Variants in FMNL3 observed in about 807,000 individuals in gnomAD.
FMNL3 encodes the protein formin like 3.
FMNL3 carries 57 observed loss-of-function variants against 119.6 expected under a neutral mutation model. The observed-to-expected ratio is 0.48, with a 90% CI of 0.39 to 0.59. The LOEUF is 0.59. Ranked by LOEUF, FMNL3 falls within the 20% of genes least tolerant of loss-of-function variation. The pLI is 0.00. For missense variants in FMNL3, 1,053 were observed against 1,323.5 expected, an observed-to-expected ratio of 0.80 and a Z score of 3.17; for synonymous variants, 491 against 507.3, an observed-to-expected ratio of 0.97 and a Z score of 0.43.
intron 15 of FMNL3, 31 bp from the exon 16 acceptor site, chr12:49,651,323 G>C: frequency 6.2e-7 from 1 of 1,606,536 alleles, no homozygotes; most frequent in Non-Finnish European, 8.5e-7. Context: ...GTGACACAGG[G>C]GCCAAGGACA....
At chr12:49,673,939 G>A (rs1398996806) in intron 1 of FMNL3, among the ~76,000 whole-genome samples, 1 of 152,232 alleles carries the variant, frequency 6.6e-6, no homozygotes, top group East Asian at 1.9e-4. Context: ...AGGTCCAAGA[G>A]CTAAAATTTT....
In FMNL3 at chr12:49,643,474, T is replaced by A; in HGVS notation, c.*2341A>T. 1 of 1,495,790 alleles carries A rather than the reference T, an allele frequency of 6.7e-7. No homozygotes were observed. The highest frequency in any genetic ancestry group is 9.0e-7 in the Non-Finnish European group (1 of 1,115,272). 92.7% of individuals were successfully genotyped at this position (1,495,790 alleles called of 1,614,324 possible). On this transcript the variant is annotated 3_prime_UTR_variant, in exon 26 of 26. Coordinates refer to ENST00000335154, the MANE Select transcript of FMNL3 (RefSeq NM_175736.5). ...GAGGATGCCCTCCACAAGCCCCAGC[T>A]CCTTTGAGGGTAGACTGGATTGGGA...
In FMNL3 at chr12:49,661,858, T is replaced by G. The variant is rs886372422; in HGVS notation, c.452+108A>C. 2.8e-6 allele frequency: 3 copies of G among 1,071,028 alleles called. No individual in the cohort carries two copies. In the African/African-American group the frequency reaches 4.7e-5, roughly 17 times the overall value. 66.3% of individuals were successfully genotyped at this position (1,071,028 alleles called of 1,614,324 possible). ...TGGGCTACTCCTTCCTGTCCAGGAT[T>G]CCCATTTCCATCTTCATTGTTGAAC... is the stretch of plus-strand genomic sequence containing the variant. On this transcript the variant is annotated intron_variant, in intron 5 of 25. Transcript: ENST00000335154.
intron 1 of FMNL3, among the ~76,000 whole-genome samples, chr12:49,685,206 C>A (rs952726658): frequency 6.6e-6 from 1 of 152,150 alleles, no homozygotes; most frequent in African/African-American, 2.4e-5. Context: ...AGGTCCAGGC[C>A]GGAAGCAGTG....
Position 49,642,835 on chromosome 12 carries a change from T to C in FMNL3, c.*2980A>G, listed in dbSNP as rs184250685. Reference sequence around the variant, plus strand: ...CTGGGATAGGCAGAAGGCTCTAGTCTGAGAAAGGGAGGCAAAGCCAGATTT... The same window carrying C: ...CTGGGATAGGCAGAAGGCTCTAGTCCGAGAAAGGGAGGCAAAGCCAGATTT... On this transcript the variant is annotated 3_prime_UTR_variant, in exon 26 of 26. Transcript: ENST00000335154. This position sits in a 1 kb window ranked among gnomAD's most constrained non-coding sequence, Gnocchi z 5.8. 2.4e-4 allele frequency: 349 copies of C among 1,463,646 alleles called. 2 individuals are homozygous for C. In the Admixed American group the frequency reaches 6.8e-3, roughly 28 times the overall value. The allele number at this position is 1,463,646 out of a possible 1,614,324, so 90.7% of individuals were successfully genotyped here. A position where few individuals can be genotyped will look rare whatever the true frequency, so the allele number is the denominator to read the frequency against.
chr12:49,645,989 G>A, intron 25 of FMNL3, 86 bp from the exon 26 acceptor site: 2 of 1,189,410 alleles, frequency 1.7e-6, no homozygotes, highest in Non-Finnish European at 1.2e-6. Flanking sequence ...GGTAGGGCCA[G>A]GGAGGAGCCA....
Position 49,649,500 on chromosome 12 carries a change from C to T in FMNL3, c.2274G>A (p.Lys758=), listed in dbSNP as rs1264336530. ...NAIIAASASV[K]SSQKLKQMLE... ...ACATCTGCTTCAGCTTCTGTGAAGA[C>T]TTGACGGAAGCGGACGCCGCAATGA... The change falls in exon 19 of 26, where the codon AAG becomes AAA. Residue 758 remains lysine, a synonymous_variant. Transcript: ENST00000335154. The surrounding 1 kb of genome is among the most constrained non-coding windows in gnomAD (Gnocchi z 5.6). The T allele has an allele frequency of 1.2e-6, 2 of 1,614,070 alleles. No individual in the cohort carries two copies. Among genetic ancestry groups the T allele is most frequent in the Non-Finnish European group, 8.5e-7 (1 of 1,180,052 alleles).
chr12:49,691,940 C>A (rs971877214), intron 1 of FMNL3, among the ~76,000 whole-genome samples: 1 of 144,628 alleles, frequency 6.9e-6, no homozygotes, highest in African/African-American at 2.6e-5. Context: ...AAGGCTGAGG[C>A]AGGAGAATTG....
chr12:49,693,847 T>C (rs11615488), intron 1 of FMNL3, among the ~76,000 whole-genome samples: 49,328 of 150,824 alleles, frequency 0.33, 11,502 homozygotes, highest in African/African-American at 0.67. Flanking sequence ...GGGGTTTCTC[T>C]ATGTTGGTCA....
chr12:49,649,639 T>G lies in FMNL3; in HGVS notation c.2235+52A>C. ...AAGGGCAGGGGAGGTGACTAGCAGA[T>G]GGAGGGTGGAGGGACAGCTGTCCAG... On this transcript the variant is annotated intron_variant, in intron 18 of 25. Coordinates refer to ENST00000335154, the MANE Select transcript of FMNL3 (RefSeq NM_175736.5). The surrounding 1 kb of genome is among the most constrained non-coding windows in gnomAD (Gnocchi z 5.6). 6.2e-7 allele frequency: 1 copy of G among 1,610,736 alleles called. No homozygotes were observed. Among genetic ancestry groups the G allele is most frequent in the South Asian group, 1.1e-5 (1 of 90,958 alleles).
chr12:49,652,388 A>T, intron 13 of FMNL3, 176 bp from the exon 14 acceptor site: 2 of 1,292,508 alleles, frequency 1.5e-6, no homozygotes, highest in Non-Finnish European at 2.1e-6. Flanking sequence ...CAGCAAAACA[A>T]AAGAGGCAAG....
intron 1 of FMNL3, among the ~76,000 whole-genome samples, chr12:49,701,688 G>A (rs1944913524): frequency 6.6e-6 from 1 of 152,032 alleles, no homozygotes; most frequent in Admixed American, 6.6e-5. Flanking sequence ...TTGGGAGGCC[G>A]AGGTGGGCAG....
rs1941919960 is a variant in FMNL3 at position 49,637,056 on chromosome 12, A to T, written c.*8759T>A. 6.7e-6 allele frequency: 5 copies of T among 741,940 alleles called. No homozygotes were observed. The highest frequency in any genetic ancestry group is 5.7e-5 in the South Asian group (3 of 53,038). 46.0% of individuals were successfully genotyped at this position (741,940 alleles called of 1,614,324 possible). On this transcript the variant is annotated 3_prime_UTR_variant, in exon 26 of 26. Coordinates refer to ENST00000335154, the MANE Select transcript of FMNL3 (RefSeq NM_175736.5). ...GTGCTCTTCTAGGGAGACTAGATGTATGCACCACCCAGAAACTGCCAGTAG... is the reference window on the plus strand; with the variant it reads ...GTGCTCTTCTAGGGAGACTAGATGTTTGCACCACCCAGAAACTGCCAGTAG...
At chr12:49,699,172 T>C (rs985442443) in intron 1 of FMNL3, among the ~76,000 whole-genome samples, 1 of 152,080 alleles carries the variant, frequency 6.6e-6, no homozygotes, top group Non-Finnish European at 1.5e-5. Context: ...AGAATGGAAG[T>C]GACTGGTCTG....
rs1941964444 is a variant in FMNL3, at chr12:49,637,335, C to T, written c.*8480G>A. The T allele has an allele frequency of 1.6e-6, 1 of 637,586 alleles. No homozygotes were observed. Among genetic ancestry groups the T allele is most frequent in the Non-Finnish European group, 2.8e-6 (1 of 357,406 alleles). 39.5% of individuals were successfully genotyped at this position (637,586 alleles called of 1,614,324 possible). A position where few individuals can be genotyped will look rare whatever the true frequency, so the allele number is the denominator to read the frequency against. On this transcript the variant is annotated 3_prime_UTR_variant, in exon 26 of 26. Coordinates refer to ENST00000335154, the MANE Select transcript of FMNL3 (RefSeq NM_175736.5). Reference sequence around the variant, plus strand: ...CAGCCTTCCATCTGCATCTCTTCATCTCTGCCTCTCTTGCCTGCATTTCCT... The same window carrying T: ...CAGCCTTCCATCTGCATCTCTTCATTTCTGCCTCTCTTGCCTGCATTTCCT...
rs952931806 is a variant in FMNL3 at position 49,647,097 on chromosome 12, A to G, written c.2872-88T>C. 1.3e-6 allele frequency: 2 copies of G among 1,595,650 alleles called. No homozygotes were observed. Among genetic ancestry groups the G allele is most frequent in the East Asian group, 2.2e-5 (1 of 44,698 alleles). ...CCCCAAGGTGCAGTCTGAGGATGCC[A>G]CTGCTTGTGCACTGCTAGGAATCCC... On this transcript the variant is annotated intron_variant, in intron 24 of 25. Coordinates refer to ENST00000335154, the MANE Select transcript of FMNL3 (RefSeq NM_175736.5). This position sits in a 1 kb window ranked among gnomAD's most constrained non-coding sequence, Gnocchi z 4.9.
intron 1 of FMNL3, among the ~76,000 whole-genome samples, chr12:49,676,887 C>T (rs1449844150): frequency 6.6e-6 from 1 of 152,212 alleles, no homozygotes; most frequent in Non-Finnish European, 1.5e-5. Flanking sequence ...TAAGCCACTT[C>T]CCTGCTCTTC....
intron 5 of FMNL3, among the ~76,000 whole-genome samples, chr12:49,661,218 C>A (rs577005465): frequency 1.3e-5 from 2 of 152,286 alleles, no homozygotes; most frequent in South Asian, 4.1e-4. Context: ...ACAATACAGA[C>A]CCGGTATGTT....
chr12:49,637,774 T>C lies in FMNL3; in HGVS notation c.*8041A>G, dbSNP rs761835973. The C allele has an allele frequency of 5.6e-6, 9 of 1,603,172 alleles. No individual in the cohort carries two copies. The South Asian group carries it at 9.9e-5, about 18-fold the overall frequency. ...CTTATTCAAGTTCTATGTGGAGGAG[T>C]TGAAGGCACGATTCCATGATGAAAA... is the stretch of plus-strand genomic sequence containing the variant. On this transcript the variant is annotated 3_prime_UTR_variant, in exon 26 of 26. Coordinates refer to ENST00000335154, the MANE Select transcript of FMNL3 (RefSeq NM_175736.5).
Sources: gnomAD v4.1 joint callset for allele counts (sites outside exome capture counted in the v4.1 genomes callset) on GRCh38, gnomAD v4.1.1 for gene constraint, Gnocchi (gnomAD v3.1) non-coding constraint, MANE v1.5 for transcripts, NCBI Gene and HGNC (gene_info 2026-07-23, HGNC 2026-07-21) for gene names.